GRIA4: variants seen among roughly 807,000 people sequenced by gnomAD.
The protein encoded by GRIA4 is glutamate ionotropic receptor AMPA type subunit 4.
Under a neutral mutation model 104.0 loss-of-function variants are expected in GRIA4, and 34 were observed. The ratio of observed to expected loss-of-function variants is 0.33; its 90% CI spans 0.25 to 0.44. GRIA4 has a LOEUF of 0.44. Ranked by LOEUF, GRIA4 falls within the 20% of genes least tolerant of loss-of-function variation. The pLI, the probability that GRIA4 is intolerant of heterozygous loss-of-function variation, is 1.00. For synonymous variants in GRIA4, 386 were observed against 381.9 expected (o/e 1.01, Z -0.13); for missense variants, 750 against 1,096.5 (o/e 0.68, Z 4.46).
At chr11:105,889,224 A>G (rs1000091131) in intron 6 of GRIA4, among the ~76,000 whole-genome samples, 33 of 152,228 alleles carry the variant, frequency 2.2e-4, no homozygotes, top group Admixed American at 3.3e-4. Context: ...TACAAAGGAT[A>G]TCGTAAACAG....
chr11:105,847,600 T>A (rs897229117), intron 4 of GRIA4, among the ~76,000 whole-genome samples: 3 of 152,178 alleles, frequency 2.0e-5, no homozygotes, highest in Admixed American at 2.0e-4. Flanking sequence ...AAGAGCCAGA[T>A]GGTGAAGTGG....
intron 5 of GRIA4, among the ~76,000 whole-genome samples, chr11:105,871,298 T>A (rs1945604586): frequency 6.6e-6 from 1 of 152,014 alleles, no homozygotes; most frequent in South Asian, 2.1e-4. Context: ...TTTGGCAATT[T>A]TAATAGTATT....
chr11:105,920,305 T>C (rs998778378), intron 11 of GRIA4, among the ~76,000 whole-genome samples: 1 of 152,060 alleles, frequency 6.6e-6, no homozygotes, highest in Non-Finnish European at 1.5e-5. Flanking sequence ...AGGAAAAGGG[T>C]TTCTAAAGCA....
At chr11:105,622,063 CT>C (rs1440830421) in intron 3 of GRIA4, among the ~76,000 whole-genome samples, 1 of 151,644 alleles carries the variant, frequency 6.6e-6, no homozygotes, top group African/African-American at 2.4e-5. Context: ...GAAATTAACC[CT>C]TTGTCATATA....
At chr11:105,905,564 G>C (rs1947014174) in intron 9 of GRIA4, among the ~76,000 whole-genome samples, 1 of 152,112 alleles carries the variant, frequency 6.6e-6, no homozygotes, top group Non-Finnish European at 1.5e-5. Flanking sequence ...TTTGGGTGGG[G>C]TTAGCAAAAA....
At chr11:105,902,106 C>G (rs1946881017) in intron 7 of GRIA4, among the ~76,000 whole-genome samples, 1 of 152,126 alleles carries the variant, frequency 6.6e-6, no homozygotes, top group Admixed American at 6.6e-5. Context: ...CACATTTATC[C>G]AGAAGCTTGT....
At chr11:105,954,908 A>G (rs1948545280) in intron 14 of GRIA4, among the ~76,000 whole-genome samples, 2 of 55,952 alleles carry the variant, frequency 3.6e-5, no homozygotes, top group Non-Finnish European at 7.4e-5. Flanking sequence ...ATTGCTTTCA[A>G]TTTATATATA....
intron 3 of GRIA4, among the ~76,000 whole-genome samples, chr11:105,739,409 G>A (rs1002681512): frequency 1.3e-5 from 2 of 152,154 alleles, no homozygotes; most frequent in Non-Finnish European, 2.9e-5. Flanking sequence ...ATATCTCATT[G>A]TGATCTTTGA....
At chr11:105,648,309 A>T (rs1453119618) in intron 3 of GRIA4, among the ~76,000 whole-genome samples, 2 of 151,572 alleles carry the variant, frequency 1.3e-5, no homozygotes, top group Non-Finnish European at 2.9e-5. Context: ...AAGATAGAAA[A>T]TTTTAAAAAT....
At chr11:105,845,303 G>A (rs1204545213) in intron 4 of GRIA4, among the ~76,000 whole-genome samples, 1 of 152,028 alleles carries the variant, frequency 6.6e-6, no homozygotes, top group East Asian at 1.9e-4. Context: ...TTACATCATG[G>A]TATGTGGTTC....
In GRIA4 at chr11:105,635,219, G is replaced by A. The variant is rs185927365; in HGVS notation, c.247+22785G>A. On this transcript the variant is annotated intron_variant, in intron 3 of 16. Transcript: ENST00000282499. ...TTTAATTTTCCTTGGAATACAAAAT[G>A]GTACTGGGGAAATTAACCTCTCTGT... Among the ~76,000 whole-genome samples the A allele has an allele frequency of 1.3e-3, 192 of 152,058 alleles. 1 individual carries two copies. The highest frequency in any genetic ancestry group is 4.5e-3 in the African/African-American group (186 of 41,492).
rs1945246129 is a variant in GRIA4 at position 105,862,086 on chromosome 11, A to G, written c.550A>G (p.Ile184Val). 2 of 1,610,810 alleles carry G rather than the reference A, an allele frequency of 1.2e-6. No homozygotes were observed. Among genetic ancestry groups the G allele is most frequent in the Non-Finnish European group, 1.7e-6 (2 of 1,177,192 alleles). The change falls in exon 5 of 17, where the codon ATA becomes GTA. Residue 184 changes from isoleucine to valine, a missense_variant. Physicochemically the swap from Ile to Val is conservative, Grantham distance 29. This residue lies in a region of GRIA4 where 410 missense variants were observed against 502.7 expected (regional missense o/e 0.82). Coordinates refer to ENST00000282499, the MANE Select transcript of GRIA4 (RefSeq NM_000829.4). ...ACAAAATGGTTGGCATGTCAGCGCT[A>G]TATGTGTGGAAAATTTTAATGATGT... Reference protein sequence around the residue: ...AGQNGWHVSAICVENFNDVSY... With the variant: ...AGQNGWHVSAVCVENFNDVSY...
chr11:105,622,924 A>G (rs1186486164), intron 3 of GRIA4, among the ~76,000 whole-genome samples: 1 of 151,694 alleles, frequency 6.6e-6, no homozygotes, highest in Non-Finnish European at 1.5e-5. Flanking sequence ...CCACTTATAA[A>G]TAAGCACATG....
At chr11:105,692,599 C>G (rs542779061) in intron 3 of GRIA4, among the ~76,000 whole-genome samples, 9 of 152,238 alleles carry the variant, frequency 5.9e-5, no homozygotes, top group African/African-American at 2.2e-4. Flanking sequence ...TGAAAATAGC[C>G]ATTTGTCTAA....
intron 12 of GRIA4, among the ~76,000 whole-genome samples, chr11:105,925,633 T>C (rs1947684455): frequency 6.6e-6 from 1 of 152,096 alleles, no homozygotes; most frequent in African/African-American, 2.4e-5. Flanking sequence ...TATAAATATG[T>C]TTAAATTCCA....
intron 4 of GRIA4, among the ~76,000 whole-genome samples, chr11:105,756,429 C>A (rs907334571): frequency 6.6e-6 from 1 of 152,042 alleles, no homozygotes; most frequent in Admixed American, 6.6e-5. Context: ...CACAAATGTA[C>A]CATTGATTTG....
chr11:105,905,288 C>T lies in GRIA4; in HGVS notation c.1145C>T (p.Thr382Ile). 2.5e-6 allele frequency: 4 copies of T among 1,575,332 alleles called. No individual in the cohort carries two copies. The highest frequency in any genetic ancestry group is 2.6e-6 in the Non-Finnish European group (3 of 1,144,820). The change falls in exon 9 of 17, where the codon ACA (threonine) becomes ATA (isoleucine). Residue 382 changes from threonine (T) to isoleucine (I), a missense_variant. Thr to Ile is a moderately conservative substitution (Grantham distance 89). Around this residue, in one of 3 missense-constraint regions of GRIA4, gnomAD observed 410 missense variants for 502.7 expected, o/e 0.82. Transcript: ENST00000282499. ...ATGGATGTGTTTGAGCTGAAAAGCA[C>T]AGGACCTAGAAAGGTGAGCCACGAT... ...YTMDVFELKS[T>I]GPRKVGYWND...
At chr11:105,623,962 G>C (rs1303120914) in intron 3 of GRIA4, among the ~76,000 whole-genome samples, 1 of 151,964 alleles carries the variant, frequency 6.6e-6, no homozygotes, top group East Asian at 1.9e-4. Flanking sequence ...GAAATACATG[G>C]TGAGTTTTCT....
chr11:105,689,575 G>C (rs1334774053), intron 3 of GRIA4, among the ~76,000 whole-genome samples: 28 of 152,052 alleles, frequency 1.8e-4, no homozygotes, highest in Admixed American at 1.8e-3. Context: ...TTATTTTCTT[G>C]AGAACATTAC....
Sources: allele counts gnomAD v4.1 joint callset (sites outside exome capture counted in the v4.1 genomes callset), GRCh38; gene constraint gnomAD v4.1.1; regional missense constraint gnomAD v4.1.1; transcripts MANE v1.5; gene names NCBI Gene and HGNC (gene_info 2026-07-23, HGNC 2026-07-21).